Variants in DNAH10 observed in about 807,000 individuals in gnomAD.
DNAH10 encodes axonemal beta dynein heavy chain 10.
A neutral mutation model predicts 506.6 loss-of-function variants in DNAH10; 348 were observed. The observed-to-expected ratio is 0.69, with a 90% CI of 0.63 to 0.75. The LOEUF (loss-of-function observed/expected upper bound fraction) is 0.75, where lower values mean the gene tolerates loss of function less well. Among genes scored for constraint, DNAH10 ranks in the 30% least tolerant of loss-of-function variants. The pLI, the probability that DNAH10 is intolerant of heterozygous loss-of-function variation, is 0.00. For synonymous variants in DNAH10, 2,059 were observed against 2,198.6 expected (o/e 0.94, Z 1.78); for missense variants, 5,179 against 5,787.1 (o/e 0.89, Z 3.41).
chr12:123,801,815 A>G (rs984099766), intron 16 of DNAH10, among the ~76,000 whole-genome samples: 9 of 129,900 alleles, frequency 6.9e-5, no homozygotes, highest in Non-Finnish European at 1.3e-4. Context: ...AAAACTAGTT[A>G]AGATCACAAC....
At chr12:123,871,654 G>C in intron 45 of DNAH10, 52 bp downstream of exon 45, 1 of 1,524,596 alleles carries the variant, frequency 6.6e-7, no homozygotes, top group Non-Finnish European at 8.8e-7. Context: ...AATTATTCCA[G>C]TGCATAGCAG....
At chr12:123,806,718 TC>T (rs1958686885) in intron 18 of DNAH10, among the ~76,000 whole-genome samples, 1 of 152,152 alleles carries the variant, frequency 6.6e-6, no homozygotes, top group Non-Finnish European at 1.5e-5. Context: ...CCTAAAGCAG[TC>T]CCTTACATGG....
chr12:123,779,059 A>G (rs1453639029), intron 5 of DNAH10, among the ~76,000 whole-genome samples: 1 of 151,794 alleles, frequency 6.6e-6, no homozygotes, highest in Non-Finnish European at 1.5e-5. Flanking sequence ...ACCCGCCACC[A>G]CACCTGGCTA....
At chr12:123,804,787 C>T in intron 17 of DNAH10, 46 bp from the exon 18 acceptor site, 1 of 1,576,026 alleles carries the variant, frequency 6.3e-7, no homozygotes, top group Non-Finnish European at 8.7e-7. Context: ...GAGTGCTGTC[C>T]TTCCCTGTGT....
rs770389559 is a variant in DNAH10 at position 123,874,261 on chromosome 12, G to GTCCATCCA, written c.7938+554_7938+555insATCCATCC. ...AGGACTGTATGCAAAGCCAGAGTCCGTCCGTCCATCCATCCATCCATCCAT... is the reference window on the plus strand; with the variant it reads ...AGGACTGTATGCAAAGCCAGAGTCCGTCCATCCATCCGTCCATCCATCCATCCATCCAT... On this transcript the variant is annotated intron_variant, in intron 46 of 78. Transcript: ENST00000673944. 5.3e-3 allele frequency among the ~76,000 whole-genome samples: 651 copies of GTCCATCCA among 123,162 alleles called. 2 individuals are homozygous for GTCCATCCA. The highest frequency in any genetic ancestry group is 7.8e-3 in the Middle Eastern group (2 of 256). 80.8% of individuals were successfully genotyped at this position (123,162 alleles called of 152,430 possible).
rs770507667 is a variant in DNAH10 at position 123,859,167 on chromosome 12, A to G, written c.6648A>G (p.Gln2216=). 1 of 1,610,516 alleles carries G rather than the reference A, an allele frequency of 6.2e-7. No individual in the cohort carries two copies. The highest frequency in any genetic ancestry group is 1.7e-5 in the Admixed American group (1 of 59,328). Residue 2216 remains glutamine, a synonymous_variant, in exon 38 of 79, where the codon CAA becomes CAG. Coordinates refer to ENST00000673944, the MANE Select transcript of DNAH10 (RefSeq NM_001372106.1). ...TCCCGCAGGTGGATAAAGTGGTTCAAATGTTCGAGACCATGTTAACCCGCC... is the reference window on the plus strand; with the variant it reads ...TCCCGCAGGTGGATAAAGTGGTTCAGATGTTCGAGACCATGTTAACCCGCC... ...VLPIQVDKVV[Q]MFETMLTRHT... is the part of the protein sequence containing the mutation.
chr12:123,884,694 ATT>A (rs1952655191), intron 51 of DNAH10, among the ~76,000 whole-genome samples: 1 of 152,198 alleles, frequency 6.6e-6, no homozygotes, highest in Non-Finnish European at 1.5e-5. Context: ...CAACAAAGGA[ATT>A]TTGTGTGTGT....
chr12:123,869,548 G>A (rs192904935), intron 43 of DNAH10, among the ~76,000 whole-genome samples: 23 of 152,224 alleles, frequency 1.5e-4, no homozygotes, highest in African/African-American at 5.1e-4. Context: ...CGCGCTCTCC[G>A]CAGCTGATCT....
rs1478143090 is a variant in DNAH10 at position 123,926,423 on chromosome 12, T to A, written c.11922-214T>A. Reference sequence around the variant, plus strand: ...ACCAACTGAATCGAGTGTGAGGGGGTACAGAGAAGTCCCTGCCACTCAGGA... The same window carrying A: ...ACCAACTGAATCGAGTGTGAGGGGGAACAGAGAAGTCCCTGCCACTCAGGA... On this transcript the variant is annotated intron_variant, in intron 68 of 78. Coordinates refer to ENST00000673944, the MANE Select transcript of DNAH10 (RefSeq NM_001372106.1). This position sits in a 1 kb window ranked among gnomAD's most constrained non-coding sequence, Gnocchi z 4.1. 3 of 537,596 alleles carry A rather than the reference T, an allele frequency of 5.6e-6. No individual in the cohort carries two copies. In the East Asian group the frequency reaches 9.6e-5, roughly 17 times the overall value. The allele number at this position is 537,596 out of a possible 1,614,324, so 33.3% of individuals were successfully genotyped here.
intron 39 of DNAH10, among the ~76,000 whole-genome samples, chr12:123,862,552 G>A (rs1162881128): frequency 6.6e-6 from 1 of 152,044 alleles, no homozygotes; most frequent in African/African-American, 2.4e-5. Flanking sequence ...ACCATGCCCA[G>A]CTAATTTTTG....
At chr12:123,881,253 T>A (rs1400348847) in intron 50 of DNAH10, among the ~76,000 whole-genome samples, 4 of 152,204 alleles carry the variant, frequency 2.6e-5, no homozygotes, top group African/African-American at 9.7e-5. Context: ...TTGAACTAGT[T>A]TACAGTCTCA....
intron 19 of DNAH10, among the ~76,000 whole-genome samples, chr12:123,809,476 C>A (rs1020203082): frequency 2.6e-5 from 4 of 151,942 alleles, no homozygotes; most frequent in Admixed American, 2.6e-4. Flanking sequence ...TGAGACCCCC[C>A]CATCTCTACC....
chr12:123,934,513 G>C (rs1320953847), intron 77 of DNAH10, 108 bp from the exon 78 acceptor site: 8 of 1,386,848 alleles, frequency 5.8e-6, no homozygotes, highest in Non-Finnish European at 8.0e-6. Flanking sequence ...GCGCTGGGGA[G>C]GAGGCCAGCC....
chr12:123,767,483 C>A, intron 1 of DNAH10, 123 bp from the exon 2 acceptor site: 2 of 848,552 alleles, frequency 2.4e-6, no homozygotes, highest in Non-Finnish European at 3.7e-6. Flanking sequence ...ACCACTGTAA[C>A]ATAACGAGTC....
chr12:123,853,181 T>C lies in DNAH10; in HGVS notation c.6292-25T>C. 6.6e-7 allele frequency: 1 copy of C among 1,518,672 alleles called. No homozygotes were observed. Among genetic ancestry groups the C allele is most frequent in the Non-Finnish European group, 8.8e-7 (1 of 1,131,160 alleles). 94.1% of individuals were successfully genotyped at this position (1,518,672 alleles called of 1,614,324 possible). On this transcript the variant is annotated intron_variant, in intron 35 of 78. Coordinates refer to ENST00000673944, the MANE Select transcript of DNAH10 (RefSeq NM_001372106.1). This position sits in a 1 kb window ranked among gnomAD's most constrained non-coding sequence, Gnocchi z 4.7. Reference sequence around the variant, plus strand: ...AATCATTTTCTTTTTTCTTTTTTTTTGTATTATTATCTTCTATCAAAAAGA... The same window carrying C: ...AATCATTTTCTTTTTTCTTTTTTTTCGTATTATTATCTTCTATCAAAAAGA...
intron 57 of DNAH10, chr12:123,908,335 C>T (rs1254638535): frequency 2.2e-6 from 1 of 456,168 alleles, no homozygotes; most frequent in Admixed American, 2.3e-5. Context: ...CTGGCTCACC[C>T]CAGCCTCCTA....
chr12:123,892,256 C>A (rs1341902621), intron 52 of DNAH10, among the ~76,000 whole-genome samples: 1 of 152,188 alleles, frequency 6.6e-6, no homozygotes, highest in Non-Finnish European at 1.5e-5. Flanking sequence ...GGGGAGGCCT[C>A]AGGAAACTTA....
At chr12:123,826,939 G>A in intron 25 of DNAH10, 41 bp downstream of exon 25, 1 of 1,538,858 alleles carries the variant, frequency 6.5e-7, no homozygotes, top group African/African-American at 1.4e-5. Context: ...AAGTGTGGGA[G>A]GAGCTTTTAG....
chr12:123,787,782 A>T lies in DNAH10; in HGVS notation c.1422-22A>T. On this transcript the variant is annotated intron_variant, in intron 9 of 78. Coordinates refer to ENST00000673944, the MANE Select transcript of DNAH10 (RefSeq NM_001372106.1). This position sits in a 1 kb window ranked among gnomAD's most constrained non-coding sequence, Gnocchi z 4.6. The stretch of plus-strand genomic sequence containing the variant: ...CCCGGAGCTCCGCCCTCCTCCCATC[A>T]CGGCATCTCTTGGCTTCGCAGAGAA... The T allele has an allele frequency of 6.2e-7, 1 of 1,608,092 alleles. No homozygotes were observed. The highest frequency in any genetic ancestry group is 1.3e-5 in the African/African-American group (1 of 75,022).
Sources: allele counts gnomAD v4.1 joint callset (sites outside exome capture counted in the v4.1 genomes callset), GRCh38; gene constraint gnomAD v4.1.1; non-coding constraint Gnocchi (gnomAD v3.1); transcripts MANE v1.5; gene names NCBI Gene and HGNC (gene_info 2026-07-23, HGNC 2026-07-21).